Variants in BCAR3 observed in about 807,000 individuals in gnomAD.
The protein encoded by BCAR3 is BCAR3 adaptor protein, NSP family member, also known as breast cancer anti-estrogen resistance protein 3.
BCAR3 carries 37 observed loss-of-function variants against 80.1 expected under a neutral mutation model. That is an observed-to-expected ratio of 0.46 (90% CI 0.36 to 0.61). BCAR3 has a LOEUF of 0.61. Among genes scored for constraint, BCAR3 ranks in the 20% least tolerant of loss-of-function variants. BCAR3 has a pLI of 0.00. For missense variants in BCAR3, 978 were observed against 1,068.2 expected (o/e 0.92, Z 1.18); for synonymous variants, 389 against 418.9 (o/e 0.93, Z 0.87).
intron 2 of BCAR3, among the ~76,000 whole-genome samples, chr1:93,674,197 T>C (rs1225714322): frequency 6.6e-6 from 1 of 152,230 alleles, no homozygotes; most frequent in Non-Finnish European, 1.5e-5. Context: ...CTGGTAACTG[T>C]TGGAGCCGGC....
At chr1:93,768,254 T>A (rs1652222708) in intron 2 of BCAR3, among the ~76,000 whole-genome samples, 1 of 139,526 alleles carries the variant, frequency 7.2e-6, no homozygotes, top group African/African-American at 3.1e-5. Context: ...AAAGACTGAG[T>A]GAATGTGTGT....
At chr1:93,728,525 G>A (rs1169988095) in intron 2 of BCAR3, among the ~76,000 whole-genome samples, 2 of 152,216 alleles carry the variant, frequency 1.3e-5, no homozygotes, top group Admixed American at 6.5e-5. Flanking sequence ...TGGATCACGC[G>A]TGGACTTGGA....
chr1:93,674,460 T>A (rs1029922329), intron 2 of BCAR3, among the ~76,000 whole-genome samples, 154 bp downstream of exon 2: 1 of 152,170 alleles, frequency 6.6e-6, no homozygotes, highest in African/African-American at 2.4e-5. Flanking sequence ...TTCACCATGT[T>A]GGTCTGGTCT....
chr1:93,776,063 C>T (rs866349827), intron 2 of BCAR3, among the ~76,000 whole-genome samples: 2 of 152,124 alleles, frequency 1.3e-5, no homozygotes, highest in African/African-American at 4.8e-5. Context: ...AATCAAGCTG[C>T]AGTGAATAAG....
At chr1:93,567,598 C>T in intron 10 of BCAR3, 107 bp from the exon 11 acceptor site, 1 of 1,425,954 alleles carries the variant, frequency 7.0e-7, no homozygotes, top group Non-Finnish European at 9.6e-7. Context: ...CAGCCTTCTA[C>T]AAGCAACGCT....
intron 2 of BCAR3, among the ~76,000 whole-genome samples, chr1:93,710,945 C>T (rs575786368): frequency 6.6e-6 from 1 of 152,290 alleles, no homozygotes; most frequent in East Asian, 1.9e-4. Flanking sequence ...TATAGGATCT[C>T]CTGCCACGCT....
chr1:93,814,714 A>C (rs1235670701), intron 2 of BCAR3, among the ~76,000 whole-genome samples: 1 of 152,236 alleles, frequency 6.6e-6, no homozygotes, highest in Non-Finnish European at 1.5e-5. Flanking sequence ...ACAGCCACAC[A>C]GCTGCTCCCA....
At chr1:93,737,027 C>A (rs1236990396) in intron 2 of BCAR3, among the ~76,000 whole-genome samples, 3 of 152,174 alleles carry the variant, frequency 2.0e-5, no homozygotes, top group Non-Finnish European at 4.4e-5. Context: ...AAGAAGCTCT[C>A]CAGGTGATCC....
chr1:93,753,307 T>C (rs1279761886), intron 2 of BCAR3: 1 of 152,214 alleles, frequency 6.6e-6, no homozygotes, highest in Non-Finnish European at 1.5e-5. Flanking sequence ...CAGTGAAGAA[T>C]AAAGATGCAG....
intron 2 of BCAR3, among the ~76,000 whole-genome samples, chr1:93,667,204 G>A (rs1157052959): frequency 6.6e-6 from 1 of 152,230 alleles, no homozygotes; most frequent in Non-Finnish European, 1.5e-5. Flanking sequence ...GGCCTCAGTG[G>A]CTTTGAGCCA....
At chr1:93,787,841 T>C (rs12402433) in intron 2 of BCAR3, among the ~76,000 whole-genome samples, 21,628 of 152,174 alleles carry the variant, frequency 0.14, 2,517 homozygotes, top group African/African-American at 0.31. Flanking sequence ...TGTTCTAGGG[T>C]GTAGTTTAAA....
chr1:93,567,034 C>G (rs1672980744), intron 11 of BCAR3, among the ~76,000 whole-genome samples: 1 of 152,080 alleles, frequency 6.6e-6, no homozygotes. Context: ...GGCCCCAGTT[C>G]TTTCTTGACC....
At chr1:93,630,701 T>C (rs549618261) in intron 3 of BCAR3, among the ~76,000 whole-genome samples, 1 of 152,228 alleles carries the variant, frequency 6.6e-6, no homozygotes, top group East Asian at 1.9e-4. Flanking sequence ...GATAGTGACT[T>C]GGGGACTGCT....
intron 3 of BCAR3, among the ~76,000 whole-genome samples, chr1:93,704,049 G>A (rs1649743804): frequency 6.6e-6 from 1 of 152,182 alleles, no homozygotes; most frequent in Non-Finnish European, 1.5e-5. Context: ...GTGGTTAGTG[G>A]TATATAGGAC....
At chr1:93,813,539 T>C (rs1463823406) in intron 2 of BCAR3, among the ~76,000 whole-genome samples, 1 of 152,242 alleles carries the variant, frequency 6.6e-6, no homozygotes, top group Non-Finnish European at 1.5e-5. Context: ...GGGACTTCCA[T>C]GTGCCCTTTG....
intron 2 of BCAR3, among the ~76,000 whole-genome samples, chr1:93,817,716 T>G (rs776245165): frequency 1.3e-5 from 2 of 152,192 alleles, no homozygotes; most frequent in Non-Finnish European, 1.5e-5. Flanking sequence ...CAGCTCAAGG[T>G]GACATCCATG....
At chr1:93,631,743 A>G (rs1401289991) in intron 3 of BCAR3, among the ~76,000 whole-genome samples, 1 of 152,232 alleles carries the variant, frequency 6.6e-6, no homozygotes, top group Non-Finnish European at 1.5e-5. Context: ...CCTGCAGCAC[A>G]GAATACAAAT....
chr1:93,758,059 G>T (rs1651806014), intron 2 of BCAR3, among the ~76,000 whole-genome samples: 1 of 152,178 alleles, frequency 6.6e-6, no homozygotes, highest in African/African-American at 2.4e-5. Context: ...TCGTCCACTT[G>T]TGCCTGGGGC....
At chr1:93,788,994 T>C (rs1017207567) in intron 2 of BCAR3, among the ~76,000 whole-genome samples, 6 of 152,052 alleles carry the variant, frequency 3.9e-5, no homozygotes, top group Non-Finnish European at 7.4e-5. Flanking sequence ...CTTTATTTTT[T>C]CTTCCTCTAT....
Sources: gnomAD v4.1 joint callset for allele counts (sites outside exome capture counted in the v4.1 genomes callset) on GRCh38, gnomAD v4.1.1 for gene constraint, MANE v1.5 for transcripts, NCBI Gene and HGNC (gene_info 2026-07-23, HGNC 2026-07-21) for gene names.